Variants in ATG7 observed in about 807,000 individuals in gnomAD.
The protein encoded by ATG7 is ubiquitin-like modifier-activating enzyme ATG7.
ATG7 carries 70 observed loss-of-function variants against 82.4 expected under a neutral mutation model. The ratio of observed to expected loss-of-function variants is 0.85; its 90% CI spans 0.70 to 1.04. The LOEUF is 1.04. Ranked by LOEUF, ATG7 falls within the 50% of genes least tolerant of loss-of-function variation. The probability of loss-of-function intolerance (pLI) is 0.00; values close to 1 mark genes in which losing one functional copy is unlikely to be tolerated. For missense variants in ATG7, 792 were observed against 864.3 expected, an observed-to-expected ratio of 0.92 and a Z score of 1.05; for synonymous variants, 287 against 313.0, an observed-to-expected ratio of 0.92 and a Z score of 0.88.
At position 11,298,782 on chromosome 3, in the gene ATG7, G is replaced by A. The variant is rs1377288744; in HGVS notation, c.87G>A (p.Glu29=). ...SSALDVGFWH[E]LTQKKLNEYR... ...CCTTGGATGTTGGGTTTTGGCATGA[G>A]TTGACCCAGAAGAAGCTGAACGAGT... Residue 29 remains glutamate, a synonymous_variant, in exon 4 of 21, where the codon GAG becomes GAA. Coordinates refer to ENST00000693202, the MANE Select transcript of ATG7 (RefSeq NM_001349232.2). 8.1e-6 allele frequency: 13 copies of A among 1,614,188 alleles called. No homozygotes were observed. The highest frequency in any genetic ancestry group is 4.4e-5 in the South Asian group (4 of 91,090).
chr3:11,348,961 C>T (rs907768626), intron 14 of ATG7, among the ~76,000 whole-genome samples: 9 of 151,870 alleles, frequency 5.9e-5, no homozygotes, highest in Admixed American at 2.6e-4. Flanking sequence ...AATCCTCCAG[C>T]TAGACACAGT....
chr3:11,343,854 T>C (rs938295986), intron 13 of ATG7, among the ~76,000 whole-genome samples: 1 of 152,216 alleles, frequency 6.6e-6, no homozygotes, highest in Admixed American at 6.5e-5. Flanking sequence ...CCTATATTCA[T>C]GCTCACTGTT....
chr3:11,497,534 A>C (rs11715175), intron 20 of ATG7, among the ~76,000 whole-genome samples: 1 of 120,770 alleles, frequency 8.3e-6, no homozygotes, highest in Non-Finnish European at 1.8e-5. Flanking sequence ...AGACTCCACC[A>C]AAAAAAAAAA....
chr3:11,429,511 A>G (rs1408892437), intron 20 of ATG7, among the ~76,000 whole-genome samples: 1 of 151,938 alleles, frequency 6.6e-6, no homozygotes, highest in Non-Finnish European at 1.5e-5. Flanking sequence ...AAAAATCACA[A>G]GAGGGTCTGA....
In ATG7 at chr3:11,367,181, T is replaced by C. The variant is rs561600983; in HGVS notation, c.1875+2447T>C. ...TGGAGTGAGTCCATTTATGCAACCA[T>C]GTTTTGATTAGGGGACCATCGTTTC... On this transcript the variant is annotated intron_variant, in intron 18 of 20. Coordinates refer to ENST00000693202, the MANE Select transcript of ATG7 (RefSeq NM_001349232.2). Among the ~76,000 whole-genome samples, 18 of 152,250 alleles carry C rather than the reference T, an allele frequency of 1.2e-4. No individual in the cohort carries two copies. The South Asian group carries it at 3.5e-3, about 30-fold the overall frequency.
chr3:11,520,233 A>G (rs1371274776), intron 20 of ATG7, among the ~76,000 whole-genome samples: 1 of 152,096 alleles, frequency 6.6e-6, no homozygotes, highest in Non-Finnish European at 1.5e-5. Flanking sequence ...ACCCCAGCTC[A>G]TGCTCCACAC....
intron 20 of ATG7, among the ~76,000 whole-genome samples, chr3:11,480,847 G>A (rs2088877131): frequency 6.6e-6 from 1 of 152,182 alleles, no homozygotes. Flanking sequence ...CTCCAGTCCT[G>A]GCCGGCTGGG....
chr3:11,299,840 A>G (rs572903738), intron 5 of ATG7, among the ~76,000 whole-genome samples: 2 of 152,306 alleles, frequency 1.3e-5, no homozygotes, highest in South Asian at 2.1e-4. Flanking sequence ...TTATAGTGCT[A>G]TATAAAGGAA....
At chr3:11,378,832 C>T (rs2077653505) in intron 18 of ATG7, among the ~76,000 whole-genome samples, 1 of 151,032 alleles carries the variant, frequency 6.6e-6, no homozygotes, top group East Asian at 1.9e-4. Context: ...AAGCCTTTTT[C>T]TTTAAATAGT....
At chr3:11,321,623 T>C (rs1950236648) in intron 9 of ATG7, among the ~76,000 whole-genome samples, 1 of 152,172 alleles carries the variant, frequency 6.6e-6, no homozygotes, top group South Asian at 2.1e-4. Context: ...CCATTTTTTT[T>C]CTGCTCAGCT....
intron 3 of ATG7, chr3:11,290,521 C>CCTTCACCTTCCT: frequency 2.8e-6 from 1 of 359,370 alleles, no homozygotes; most frequent in Non-Finnish European, 5.5e-6. Flanking sequence ...TGGATCTTGG[C>CCTTCACCTTCCT]CTTCTCCTTC....
At chr3:11,384,606 A>G (rs1043465013) in intron 19 of ATG7, among the ~76,000 whole-genome samples, 4 of 152,176 alleles carry the variant, frequency 2.6e-5, no homozygotes, top group Admixed American at 2.6e-4. Context: ...CAGCCTGTCC[A>G]TTTATTTTTT....
rs1471444625 is a variant in ATG7 at position 11,555,439 on chromosome 3, G to C, written c.*596G>C. On this transcript the variant is annotated 3_prime_UTR_variant, in exon 21 of 21. Coordinates refer to ENST00000693202, the MANE Select transcript of ATG7 (RefSeq NM_001349232.2). ...ATTTCCACCAAGGACTGAGTGAGCTGCTCAGACATGGCTTTCTGCCTCCCA... is the reference window on the plus strand; with the variant it reads ...ATTTCCACCAAGGACTGAGTGAGCTCCTCAGACATGGCTTTCTGCCTCCCA... The C allele has an allele frequency of 6.5e-6, 1 of 152,822 alleles. No homozygotes were observed. The highest frequency in any genetic ancestry group is 1.5e-5 in the Non-Finnish European group (1 of 68,520). The allele number at this position is 152,822 out of a possible 1,614,324, so 9.5% of individuals were successfully genotyped here. A position where few individuals can be genotyped will look rare whatever the true frequency, so the allele number is the denominator to read the frequency against.
intron 3 of ATG7, chr3:11,288,881 CGCT>C (rs1944512868): frequency 6.6e-6 from 1 of 152,170 alleles, no homozygotes; most frequent in Non-Finnish European, 1.5e-5. Context: ...TAACCACACA[CGCT>C]GCTATTTCAG....
rs561195891 is a variant in ATG7 at position 11,407,699 on chromosome 3, T to C, written c.1957-19105T>C. ...GTGTACTTGCAGGCTCAAAACCACG[T>C]GGAAGCTGTCAAGTCTTGGGGCTTG... is the stretch of plus-strand genomic sequence containing the variant. On this transcript the variant is annotated intron_variant, in intron 19 of 20. Transcript: ENST00000693202. 2.6e-5 allele frequency among the ~76,000 whole-genome samples: 4 copies of C among 152,328 alleles called. No individual in the cohort carries two copies. The South Asian group carries it at 8.3e-4, about 32-fold the overall frequency.
At chr3:11,449,507 G>A (rs571386840) in intron 20 of ATG7, among the ~76,000 whole-genome samples, 1 of 152,166 alleles carries the variant, frequency 6.6e-6, no homozygotes, top group Admixed American at 6.5e-5. Flanking sequence ...GTGAGAGAGA[G>A]TATGATTGGT....
downstream of ATG7, chr3:11,559,296 AC>A: frequency 7.3e-6 from 11 of 1,501,892 alleles, no homozygotes; most frequent in African/African-American, 1.4e-5. Flanking sequence ...TGCCACTAGC[AC>A]AGCTGTGACA....
intron 20 of ATG7, among the ~76,000 whole-genome samples, chr3:11,491,545 G>A (rs1255271863): frequency 1.6e-4 from 24 of 152,098 alleles, no homozygotes; most frequent in East Asian, 3.9e-4. Context: ...GAGGAGAGGC[G>A]CTCTGCTTTT....
intron 19 of ATG7, among the ~76,000 whole-genome samples, chr3:11,411,459 A>G (rs1434798145): frequency 6.6e-6 from 1 of 151,836 alleles, no homozygotes; most frequent in African/African-American, 2.4e-5. Context: ...CCCCGTCTCT[A>G]AAAATACAAA....
Sources: allele counts gnomAD v4.1 joint callset (sites outside exome capture counted in the v4.1 genomes callset), GRCh38; gene constraint gnomAD v4.1.1; transcripts MANE v1.5; gene names NCBI Gene and HGNC (gene_info 2026-07-23, HGNC 2026-07-21).